Variants in TTC4 observed in about 807,000 individuals in gnomAD.
TTC4 encodes hsp70/Hsp90 co-chaperone CNS1 homolog.
Under a neutral mutation model 51.9 loss-of-function variants are expected in TTC4, and 36 were observed. The ratio of observed to expected loss-of-function variants is 0.69; its 90% confidence interval spans 0.53 to 0.92. The LOEUF is 0.92. Among genes scored for constraint, TTC4 ranks in the 40% least tolerant of loss-of-function variants. The pLI is 0.00. For synonymous variants in TTC4, 144 were observed against 164.2 expected, an observed-to-expected ratio of 0.88 and a Z score of 0.94; for missense variants, 399 against 454.6, an observed-to-expected ratio of 0.88 and a Z score of 1.11.
chr1:54,736,191 A>AGAGAGAGC (rs1645932679), intron 8 of TTC4, among the ~76,000 whole-genome samples: 1 of 111,340 alleles, frequency 9.0e-6, no homozygotes, highest in Non-Finnish European at 1.7e-5. Context: ...AGAGAGAGAG[A>AGAGAGAGC]GAGAGAGAGA....
At chr1:54,737,314 T>C (rs1180932) in intron 8 of TTC4, 374,397 of 380,910 alleles carry the variant, frequency 0.98, 184,034 homozygotes, top group East Asian at 1. Flanking sequence ...TGAGTCTTGA[T>C]TCTTCTGTTT....
chr1:54,741,518 G>C lies in TTC4; in HGVS notation c.*5G>C. 1 of 1,612,580 alleles carries C rather than the reference G, an allele frequency of 6.2e-7. No individual in the cohort carries two copies. Among genetic ancestry groups the C allele is most frequent in the Non-Finnish European group, 8.5e-7 (1 of 1,178,758 alleles). ...AAGGTGTACCAGATACGATGACTAA[G>C]CCAGGGCCCCTGGATCTCCTCCCTT... On this transcript the variant is annotated 3_prime_UTR_variant, in exon 10 of 10. Coordinates refer to ENST00000371281, the MANE Select transcript of TTC4 (RefSeq NM_004623.5).
In TTC4 at chr1:54,740,277, T is replaced by C. The variant is rs142138736; in HGVS notation, c.1062-1134T>C. ...GTGGATTAGAGGTTTAGGAGGTAGA[T>C]TGGATGGGAGCTGGTGTAGTGTTGA... On this transcript the variant is annotated intron_variant, in intron 9 of 9. Transcript: ENST00000371281. 3.3e-5 allele frequency among the ~76,000 whole-genome samples: 5 copies of C among 152,154 alleles called. No individual in the cohort carries two copies. In the East Asian group the frequency reaches 9.6e-4, roughly 29 times the overall value.
intron 9 of TTC4, among the ~76,000 whole-genome samples, chr1:54,738,374 C>T (rs1281967454): frequency 6.6e-6 from 1 of 152,208 alleles, no homozygotes; most frequent in African/African-American, 2.4e-5. Context: ...CAGAGCCAAA[C>T]CATATCACTC....
chr1:54,739,967 C>T (rs1645991647), intron 9 of TTC4, among the ~76,000 whole-genome samples: 2 of 152,154 alleles, frequency 1.3e-5, no homozygotes, highest in South Asian at 4.1e-4. Flanking sequence ...ATGAGGATCA[C>T]CTGAGCTCAG....
rs962644539 is a variant in TTC4, at chr1:54,741,739, A to G, written c.*226A>G. 3.5e-6 allele frequency: 2 copies of G among 571,878 alleles called. No individual in the cohort carries two copies. Among genetic ancestry groups the G allele is most frequent in the African/African-American group, 1.9e-5 (1 of 53,386 alleles). The allele number at this position is 571,878 out of a possible 1,614,324, so 35.4% of individuals were successfully genotyped here. On this transcript the variant is annotated 3_prime_UTR_variant, in exon 10 of 10. Transcript: ENST00000371281. ...TGATATAAAACTCTGGGTCTTGGCC[A>G]TGATGTCCTTGGACTCCATCGCTAA...
chr1:54,738,312 C>T (rs1407614607), intron 9 of TTC4, among the ~76,000 whole-genome samples: 3 of 152,214 alleles, frequency 2.0e-5, no homozygotes. Context: ...CGGGTCCCTC[C>T]CACAACACAT....
chr1:54,716,515 T>TA (rs1645678083), intron 1 of TTC4, 85 bp from the exon 2 acceptor site: 1 of 1,039,134 alleles, frequency 9.6e-7, no homozygotes, highest in Non-Finnish European at 1.4e-6. Context: ...TCATGATGAG[T>TA]AAAAAAACTT....
chr1:54,733,569 C>G, intron 7 of TTC4, 60 bp from the exon 8 acceptor site: 1 of 1,354,472 alleles, frequency 7.4e-7, no homozygotes, highest in Non-Finnish European at 1.0e-6. Flanking sequence ...GTCTGGGGAC[C>G]GATGTGGGAA....
chr1:54,724,679 T>G (rs77040919), intron 5 of TTC4, among the ~76,000 whole-genome samples: 8,293 of 148,942 alleles, frequency 0.056, 558 homozygotes, highest in African/African-American at 0.16. Flanking sequence ...ATGCAAAACT[T>G]GACAACTCAA....
chr1:54,733,470 G>C (rs1030691314), intron 7 of TTC4, among the ~76,000 whole-genome samples, 159 bp from the exon 8 acceptor site: 1 of 151,812 alleles, frequency 6.6e-6, no homozygotes, highest in African/African-American at 2.4e-5. Flanking sequence ...AATAGGACAA[G>C]TGATACATAT....
chr1:54,727,362 G>T (rs151250596), intron 5 of TTC4, among the ~76,000 whole-genome samples: 9 of 152,170 alleles, frequency 5.9e-5, no homozygotes, highest in African/African-American at 2.2e-4. Context: ...ACCCAAAGTA[G>T]ATCAAATACC....
intron 8 of TTC4, chr1:54,736,809 G>A (rs1393231500): frequency 6.6e-6 from 1 of 152,656 alleles, no homozygotes; most frequent in Non-Finnish European, 1.5e-5. Context: ...CCCAGCGTGG[G>A]CGTCTTTCTC....
At chr1:54,720,993 T>C (rs1459192231) in intron 3 of TTC4, among the ~76,000 whole-genome samples, 170 bp from the exon 4 acceptor site, 1 of 152,258 alleles carries the variant, frequency 6.6e-6, no homozygotes, top group Non-Finnish European at 1.5e-5. Context: ...TTGCCTGTTA[T>C]AGACATTTCT....
chr1:54,728,437 G>T lies in TTC4; in HGVS notation c.681+5G>T, dbSNP rs1365329974. ...GCTTTACTCCAGGCCATCAAGGTGA[G>T]TTCTTAAACCTTAGGTTTTTATGGT... On this transcript the variant is annotated splice_donor_5th_base_variant and intron_variant, in intron 6 of 9. Coordinates refer to ENST00000371281, the MANE Select transcript of TTC4 (RefSeq NM_004623.5). 3.1e-6 allele frequency: 5 copies of T among 1,611,062 alleles called. No individual in the cohort carries two copies. The highest frequency in any genetic ancestry group is 4.2e-6 in the Non-Finnish European group (5 of 1,178,194).
Position 54,741,406 on chromosome 1 carries a change from G to A in TTC4, c.1062-5G>A, listed in dbSNP as rs756566488. 11 of 1,612,478 alleles carry A rather than the reference G, an allele frequency of 6.8e-6. No homozygotes were observed. Among genetic ancestry groups the A allele is most frequent in the East Asian group, 2.2e-5 (1 of 44,880 alleles). On this transcript the variant is annotated splice_polypyrimidine_tract_variant and splice_region_variant and intron_variant, in intron 9 of 9. Transcript: ENST00000371281. ...ACACCCTCTCTTTTGTTGTGTTCAC[G>A]GCAGGTACTTTGTAAAAGCCCTGAC... is the stretch of plus-strand genomic sequence containing the variant.
chr1:54,721,502 G>A (rs1645743012), intron 4 of TTC4, among the ~76,000 whole-genome samples: 1 of 152,130 alleles, frequency 6.6e-6, no homozygotes, highest in Non-Finnish European at 1.5e-5. Context: ...GCCATATTCT[G>A]ATTTTTTTTC....
chr1:54,742,615 A>G lies in TTC4; in HGVS notation c.*1102A>G, dbSNP rs1453647547. 1 of 152,252 alleles carries G rather than the reference A, an allele frequency of 6.6e-6. No homozygotes were observed. The highest frequency in any genetic ancestry group is 2.4e-5 in the African/African-American group (1 of 41,444). 9.4% of individuals were successfully genotyped at this position (152,252 alleles called of 1,614,324 possible). ...TAGGGGTTGGTTGTTACTATAGCAG[A>G]GCTAATACATGAGTAAACTGAAGCC... On this transcript the variant is annotated 3_prime_UTR_variant, in exon 10 of 10. Coordinates refer to ENST00000371281, the MANE Select transcript of TTC4 (RefSeq NM_004623.5).
At chr1:54,734,848 C>T (rs894837045) in intron 8 of TTC4, among the ~76,000 whole-genome samples, 2 of 152,102 alleles carry the variant, frequency 1.3e-5, no homozygotes, top group African/African-American at 4.8e-5. Context: ...CTGTGTATTT[C>T]CTACACAAAA....
Sources: gnomAD v4.1 joint callset for allele counts (sites outside exome capture counted in the v4.1 genomes callset) on GRCh38, gnomAD v4.1.1 for gene constraint, MANE v1.5 for transcripts, NCBI Gene and HGNC (gene_info 2026-07-23, HGNC 2026-07-21) for gene names.